Variants in UGT1A9 observed in about 807,000 individuals in gnomAD.
UGT1A9 encodes the protein UDP glucuronosyltransferase family 1 member A9, also known as UDP-glucuronosyltransferase 1A9.
In UGT1A9, 35 loss-of-function variants were observed where a neutral mutation model predicts 45.0. The ratio of observed to expected loss-of-function variants is 0.78; its 90% confidence interval spans 0.59 to 1.03. The LOEUF is 1.03. UGT1A9 is among the 50% of genes least tolerant of loss of function. The pLI is 0.00. For missense variants in UGT1A9, 687 were observed against 666.6 expected (o/e 1.03, Z -0.34); for synonymous variants, 278 against 250.6 (o/e 1.11, Z -1.03).
rs566254737 is a variant in UGT1A9, at chr2:233,705,102, C to T, written c.855+32313C>T. 1.4e-4 allele frequency among the ~76,000 whole-genome samples: 21 copies of T among 150,040 alleles called. No homozygotes were observed. In the East Asian group the frequency reaches 3.3e-3, roughly 24 times the overall value. On this transcript the variant is annotated intron_variant, in intron 1 of 4. Transcript: ENST00000354728. ...AGAGAGCCAAGATCGTGCCATTGCA[C>T]GCCAGCCTGGGGGACAAGAGCGAGA...
rs1183097052 is a variant in UGT1A9, at chr2:233,768,306, A to G, written c.1162A>G (p.Met388Val). Residue 388 changes from methionine to valine, a missense_variant, in exon 4 of 5, where the codon ATG (methionine) becomes GTG (valine). Met to Val is a conservative substitution (Grantham distance 21, BLOSUM62 1). Coordinates refer to ENST00000354728, the MANE Select transcript of UGT1A9 (RefSeq NM_021027.3). ...ATGCAATGGCGTTCCCATGGTGATG[A>G]TGCCCTTGTTTGGTGATCAGATGGA... ...SICNGVPMVM[M>V]PLFGDQMDNA... 6.2e-7 allele frequency: 1 copy of G among 1,614,086 alleles called. No homozygotes were observed. The highest frequency in any genetic ancestry group is 1.7e-5 in the Admixed American group (1 of 60,000).
rs202172337 is a variant in UGT1A9, at chr2:233,772,279, T to A, written c.1313T>A (p.Met438Lys). Residue 438 changes from methionine to lysine, a missense_variant, in exon 5 of 5, where the codon ATG (methionine) becomes AAG (lysine). Coordinates refer to ENST00000354728, the MANE Select transcript of UGT1A9 (RefSeq NM_021027.3). ...INDKSYKENIMRLSSLHKDRP... is the reference protein window; with the variant it reads ...INDKSYKENIKRLSSLHKDRP... ...GTGTTTAGTTACAAGGAGAACATCA[T>A]GCGCCTCTCCAGCCTTCACAAGGAC... 1.9e-6 allele frequency: 3 copies of A among 1,614,146 alleles called. No individual in the cohort carries two copies. Among genetic ancestry groups the A allele is most frequent in the African/African-American group, 2.7e-5 (2 of 74,942 alleles).
At chr2:233,759,366 G>C (rs1046941643) in intron 1 of UGT1A9, among the ~76,000 whole-genome samples, 1 of 152,134 alleles carries the variant, frequency 6.6e-6, no homozygotes, top group Non-Finnish European at 1.5e-5. Context: ...ACTATAAAAA[G>C]GTACAGGTTT....
chr2:233,686,291 A>T (rs994683738), intron 1 of UGT1A9, among the ~76,000 whole-genome samples: 1 of 152,170 alleles, frequency 6.6e-6, no homozygotes, highest in South Asian at 2.1e-4. Context: ...AACTAAAACA[A>T]GAAAAACAAG....
At chr2:233,713,670 G>GT in intron 1 of UGT1A9, 1 of 1,613,956 alleles carries the variant, frequency 6.2e-7, no homozygotes, top group Non-Finnish European at 8.5e-7. Context: ...TTGCCATGCT[G>GT]TTTCTGCTCC....
At chr2:233,754,239 C>A in intron 1 of UGT1A9, 1 of 170,838 alleles carries the variant, frequency 5.9e-6, no homozygotes. Flanking sequence ...CTGGCTCACA[C>A]TTTCCCAACG....
intron 1 of UGT1A9, among the ~76,000 whole-genome samples, chr2:233,678,550 C>G (rs967249273): frequency 2.0e-5 from 3 of 152,102 alleles, no homozygotes; most frequent in Admixed American, 6.5e-5. Context: ...TTTAAAAATG[C>G]TTTTATACAG....
Position 233,672,926 on chromosome 2 carries a change from C to T in UGT1A9, c.855+137C>T, listed in dbSNP as rs2074245703. ...TTCCAGTTTAACAAATTATTTTGTG[C>T]CAATGCGTGTACTCGTCAGTAGCAA... On this transcript the variant is annotated intron_variant, in intron 1 of 4. Coordinates refer to ENST00000354728, the MANE Select transcript of UGT1A9 (RefSeq NM_021027.3). 6.1e-6 allele frequency: 9 copies of T among 1,477,470 alleles called. No individual in the cohort carries two copies. In the South Asian group the frequency reaches 1.1e-4, roughly 19 times the overall value. The allele number at this position is 1,477,470 out of a possible 1,614,324, so 91.5% of individuals were successfully genotyped here.
At chr2:233,764,334 G>A (rs1470444566) in intron 1 of UGT1A9, among the ~76,000 whole-genome samples, 1 of 152,188 alleles carries the variant, frequency 6.6e-6, no homozygotes, top group Non-Finnish European at 1.5e-5. Flanking sequence ...AGTAGGGGAT[G>A]GACTTCACCT....
rs373052727 is a variant in UGT1A9 at position 233,772,330 on chromosome 2, C to T, written c.1364C>T (p.Ala455Val). ...CGCCCGGTGGAGCCGCTGGACCTGGCCGTGTTCTGGGTGGAGTTTGTGATG... is the reference window on the plus strand; with the variant it reads ...CGCCCGGTGGAGCCGCTGGACCTGGTCGTGTTCTGGGTGGAGTTTGTGATG... Reference protein sequence around the residue: ...KDRPVEPLDLAVFWVEFVMRH... With the variant: ...KDRPVEPLDLVVFWVEFVMRH... The change falls in exon 5 of 5, where the codon GCC (alanine) becomes GTC (valine). Residue 455 changes from alanine to valine, a missense_variant. Ala to Val is a moderately conservative substitution (Grantham distance 64). Transcript: ENST00000354728. 1.2e-6 allele frequency: 2 copies of T among 1,614,146 alleles called. No homozygotes were observed. The highest frequency in any genetic ancestry group is 1.7e-6 in the Non-Finnish European group (2 of 1,180,034).
chr2:233,678,957 G>A (rs921540326), intron 1 of UGT1A9, among the ~76,000 whole-genome samples: 11 of 152,194 alleles, frequency 7.2e-5, no homozygotes, highest in Admixed American at 5.2e-4. Context: ...GAAATGTACT[G>A]TTTGGGGCTT....
rs201093245 is a variant in UGT1A9, at chr2:233,760,862, A to G, written c.856-6172A>G. ...ACCCAGTGCCCCAACCCATTCTCCT[A>G]CGTGCCCAGGCCTCTCTCCTCTCAT... is the stretch of plus-strand genomic sequence containing the variant. On this transcript the variant is annotated intron_variant, in intron 1 of 4. Transcript: ENST00000354728. 6.2e-7 allele frequency: 1 copy of G among 1,614,000 alleles called. No homozygotes were observed. The highest frequency in any genetic ancestry group is 1.7e-5 in the Admixed American group (1 of 60,012).
intron 1 of UGT1A9, chr2:233,743,951 A>T: frequency 7.4e-7 from 1 of 1,344,342 alleles, no homozygotes; most frequent in Non-Finnish European, 9.9e-7. Flanking sequence ...AGGCACTGGC[A>T]CAGCGAGCGG....
intron 1 of UGT1A9, among the ~76,000 whole-genome samples, chr2:233,738,477 G>C (rs971989724): frequency 6.6e-6 from 1 of 152,224 alleles, no homozygotes; most frequent in African/African-American, 2.4e-5. Context: ...GAACTTCCTG[G>C]AGACTTGTTG....
chr2:233,771,304 C>T (rs1274088915), intron 4 of UGT1A9: 1 of 152,118 alleles, frequency 6.6e-6, no homozygotes, highest in Non-Finnish European at 1.5e-5. Flanking sequence ...CTTCCTCCTC[C>T]TTTTCCCTCT....
intron 1 of UGT1A9, among the ~76,000 whole-genome samples, chr2:233,758,854 C>A (rs1032361524): frequency 6.6e-6 from 1 of 152,158 alleles, no homozygotes; most frequent in Admixed American, 6.5e-5. Context: ...CCAATTCTGG[C>A]TGCACAATAC....
chr2:233,685,595 T>A (rs2074745339), intron 1 of UGT1A9, among the ~76,000 whole-genome samples: 1 of 152,202 alleles, frequency 6.6e-6, no homozygotes, highest in African/African-American at 2.4e-5. Flanking sequence ...AAGGCCTCCC[T>A]CCAAGATTAT....
chr2:233,729,614 A>G, intron 1 of UGT1A9: 1 of 1,614,008 alleles, frequency 6.2e-7, no homozygotes, highest in Non-Finnish European at 8.5e-7. Flanking sequence ...GTGCTGGCTA[A>G]GTACCTGTCG....
intron 1 of UGT1A9, among the ~76,000 whole-genome samples, chr2:233,759,599 A>C (rs759174): frequency 0.51 from 55,428 of 108,528 alleles, 10,119 homozygotes; most frequent in African/African-American, 0.62. Flanking sequence ...CCCACCCCCG[A>C]CCCGCCCCAC....
Sources: gnomAD v4.1 joint callset for allele counts (sites outside exome capture counted in the v4.1 genomes callset) on GRCh38, gnomAD v4.1.1 for gene constraint, MANE v1.5 for transcripts, NCBI Gene and HGNC (gene_info 2026-07-23, HGNC 2026-07-21) for gene names.